Variants in ALK observed in about 807,000 individuals in gnomAD.
The protein encoded by ALK is ALK receptor tyrosine kinase.
A neutral mutation model predicts 163.1 loss-of-function variants in ALK; 74 were observed. The ratio of observed to expected loss-of-function variants is 0.45; its 90% CI spans 0.38 to 0.55. ALK has a LOEUF of 0.55. Ranked by LOEUF, ALK falls within the 20% of genes least tolerant of loss-of-function variation. The pLI, the probability that ALK is intolerant of heterozygous loss-of-function variation, is 0.00. For missense variants in ALK, 2,063 were observed against 2,105.3 expected (o/e 0.98, Z 0.39); for synonymous variants, 960 against 843.2 (o/e 1.14, Z -2.40).
At chr2:29,255,734 C>T (rs192818821) in intron 11 of ALK, among the ~76,000 whole-genome samples, 1 of 152,096 alleles carries the variant, frequency 6.6e-6, no homozygotes, top group African/African-American at 2.4e-5. Context: ...TTTTTCAGAA[C>T]CTTACTTAAT....
chr2:29,778,517 G>A (rs1420143293), intron 1 of ALK, among the ~76,000 whole-genome samples: 1 of 152,158 alleles, frequency 6.6e-6, no homozygotes, highest in African/African-American at 2.4e-5. Context: ...CGTGGGTGCA[G>A]GCATCGTGTG....
At chr2:29,598,455 G>A (rs970379774) in intron 3 of ALK, among the ~76,000 whole-genome samples, 1 of 152,168 alleles carries the variant, frequency 6.6e-6, no homozygotes, top group Non-Finnish European at 1.5e-5. Flanking sequence ...ACTAAGGCAT[G>A]GCATGATCCT....
intron 4 of ALK, among the ~76,000 whole-genome samples, chr2:29,452,887 C>T (rs1380775284): frequency 2.6e-5 from 4 of 152,152 alleles, no homozygotes; most frequent in East Asian, 3.8e-4. Context: ...AATTGAGTGA[C>T]GTTGTACCAA....
At chr2:29,537,332 C>A (rs906221732) in intron 3 of ALK, among the ~76,000 whole-genome samples, 3 of 152,232 alleles carry the variant, frequency 2.0e-5, no homozygotes, top group Non-Finnish European at 4.4e-5. Flanking sequence ...GTGCTGTTGC[C>A]CTGCTCAGCC....
intron 20 of ALK, among the ~76,000 whole-genome samples, chr2:29,222,825 C>T (rs187146403): frequency 1.4e-4 from 21 of 152,330 alleles, no homozygotes; most frequent in African/African-American, 5.1e-4. Context: ...CAACCAGGGA[C>T]TCATGACAAT....
At chr2:29,334,948 T>G (rs1667564514) in intron 5 of ALK, among the ~76,000 whole-genome samples, 1 of 152,232 alleles carries the variant, frequency 6.6e-6, no homozygotes, top group African/African-American at 2.4e-5. Flanking sequence ...TGGTGAATGA[T>G]TTTAATCAAG....
chr2:29,543,605 A>G (rs1673472154), intron 3 of ALK, among the ~76,000 whole-genome samples: 2 of 152,218 alleles, frequency 1.3e-5, no homozygotes. Context: ...AAAGGAATGA[A>G]GGCCATCTGG....
At chr2:29,430,655 A>G (rs1670250505) in intron 4 of ALK, among the ~76,000 whole-genome samples, 2 of 152,236 alleles carry the variant, frequency 1.3e-5, no homozygotes, top group African/African-American at 4.8e-5. Flanking sequence ...TAGTAAGTCA[A>G]TTCTGGAGAT....
intron 26 of ALK, among the ~76,000 whole-genome samples, chr2:29,206,615 G>C (rs1669317517): frequency 6.6e-6 from 1 of 152,042 alleles, no homozygotes; most frequent in South Asian, 2.1e-4. Flanking sequence ...GGGCTCTCAG[G>C]CAGAGGGAAC....
intron 1 of ALK, among the ~76,000 whole-genome samples, chr2:29,859,779 T>C (rs1666233048): frequency 1.3e-5 from 2 of 152,150 alleles, no homozygotes; most frequent in African/African-American, 4.8e-5. Flanking sequence ...AGGGACTGAG[T>C]TACTGGAAAG....
intron 1 of ALK, among the ~76,000 whole-genome samples, chr2:29,753,056 C>G (rs567280846): frequency 7.9e-5 from 12 of 152,268 alleles, no homozygotes; most frequent in African/African-American, 2.9e-4. Context: ...TCTACAAACT[C>G]AGAAAAGGCC....
chr2:29,205,186 T>C (rs1669280957), intron 26 of ALK, among the ~76,000 whole-genome samples: 1 of 152,246 alleles, frequency 6.6e-6, no homozygotes, highest in Non-Finnish European at 1.5e-5. Context: ...TATAGTTTTT[T>C]AGAAAGTTTT....
At position 29,699,193 on chromosome 2, in the gene ALK, C is replaced by T. The variant is rs531280616; in HGVS notation, c.788-4179G>A. ...AGTGCTCAGCCTTAAGCAACCCAACCGCAGAGGCAGGTCCACACCCACCCA... is the reference window on the plus strand; with the variant it reads ...AGTGCTCAGCCTTAAGCAACCCAACTGCAGAGGCAGGTCCACACCCACCCA... On this transcript the variant is annotated intron_variant, in intron 2 of 28. Transcript: ENST00000389048. 7.9e-5 allele frequency among the ~76,000 whole-genome samples: 12 copies of T among 152,274 alleles called. No individual in the cohort carries two copies. In the South Asian group the frequency reaches 1.5e-3, roughly 18 times the overall value.
chr2:29,824,489 A>G (rs1665139662), intron 1 of ALK, among the ~76,000 whole-genome samples: 2 of 152,214 alleles, frequency 1.3e-5, no homozygotes. Flanking sequence ...GGGGGCCTGT[A>G]CCCTGCAAAG....
At chr2:29,568,841 A>G (rs1674270568) in intron 3 of ALK, among the ~76,000 whole-genome samples, 1 of 152,152 alleles carries the variant, frequency 6.6e-6, no homozygotes, top group African/African-American at 2.4e-5. Flanking sequence ...TGGAAAAACA[A>G]TCGCTTGGCA....
chr2:29,400,801 C>G (rs1027661108), intron 4 of ALK, among the ~76,000 whole-genome samples: 2 of 152,018 alleles, frequency 1.3e-5, no homozygotes, highest in African/African-American at 4.8e-5. Context: ...ATGGAGAAAC[C>G]CTGTCTCTAC....
At chr2:29,876,492 AGTGGTAATG>A (rs1381900427) in intron 1 of ALK, among the ~76,000 whole-genome samples, 3 of 136,044 alleles carry the variant, frequency 2.2e-5, no homozygotes, top group Non-Finnish European at 3.2e-5. Flanking sequence ...TGGTGATGGT[AGTGGTAATG>A]GTGGTAATGG....
At chr2:29,860,626 C>T (rs555014180) in intron 1 of ALK, among the ~76,000 whole-genome samples, 3 of 152,250 alleles carry the variant, frequency 2.0e-5, no homozygotes, top group South Asian at 4.2e-4. Context: ...AGATCATATG[C>T]TATGCCACAA....
chr2:29,206,282 C>T (rs1210468766), intron 26 of ALK, among the ~76,000 whole-genome samples: 2 of 149,670 alleles, frequency 1.3e-5, no homozygotes, highest in Non-Finnish European at 3.0e-5. Flanking sequence ...CTCGTTCCCT[C>T]CCTCCCTCTC....
Sources: allele counts gnomAD v4.1 joint callset (sites outside exome capture counted in the v4.1 genomes callset), GRCh38; gene constraint gnomAD v4.1.1; transcripts MANE v1.5; gene names NCBI Gene and HGNC (gene_info 2026-07-23, HGNC 2026-07-21).